The following TLCD4 variants were observed in gnomAD, a reference collection of about 807,000 sequenced individuals.
TLCD4 encodes TLC domain containing 4.
A neutral mutation model predicts 24.2 loss-of-function variants in TLCD4; 7 were observed. The ratio of observed to expected loss-of-function variants is 0.29; its 90% CI spans 0.16 to 0.54. TLCD4 has a LOEUF of 0.54. Among genes scored for constraint, TLCD4 ranks in the 20% least tolerant of loss-of-function variants. TLCD4 has a pLI of 0.95. For synonymous variants in TLCD4, 103 were observed against 106.4 expected, an observed-to-expected ratio of 0.97 and a Z score of 0.20; for missense variants, 259 against 313.9, an observed-to-expected ratio of 0.82 and a Z score of 1.32.
the TLCD4 span, among the ~76,000 whole-genome samples, chr1:95,111,328 G>GA: frequency 6.8e-6 from 1 of 147,868 alleles, no homozygotes; most frequent in Non-Finnish European, 1.5e-5. Context: ...CAAAAAAAAA[G>GA]AAAAGAAAAG....
the TLCD4 span, among the ~76,000 whole-genome samples, chr1:95,105,117 G>A: frequency 1.3e-5 from 2 of 152,192 alleles, no homozygotes; most frequent in African/African-American, 4.8e-5. Context: ...TGTGTTAGAT[G>A]ATTTCGCCTA....
At chr1:95,119,629 T>C (rs1209706199) in intron 1 of TLCD4, among the ~76,000 whole-genome samples, 1 of 152,178 alleles carries the variant, frequency 6.6e-6, no homozygotes, top group Non-Finnish European at 1.5e-5. Context: ...TTTGAGAGTG[T>C]TTCTGGCTCC....
intron 1 of TLCD4, among the ~76,000 whole-genome samples, chr1:95,123,223 A>T (rs1035336293): frequency 2.0e-5 from 3 of 152,336 alleles, no homozygotes; most frequent in Admixed American, 2.0e-4. Context: ...ACATGTAAGG[A>T]CTTATAAAGA....
At position 95,134,093 on chromosome 1, in the gene TLCD4, T is replaced by C. The variant is rs143672902; in HGVS notation, c.-11-9798T>C. Among the ~76,000 whole-genome samples, 901 of 152,112 alleles carry C rather than the reference T, an allele frequency of 5.9e-3. 7 individuals carry two copies. The highest frequency in any genetic ancestry group is 0.013 in the South Asian group (64 of 4,822). Reference sequence around the variant, plus strand: ...GTCAACAAAGGGAATACTTGAAGCGTTATTTTCGAGGCAGAAAACGATGTA... The same window carrying C: ...GTCAACAAAGGGAATACTTGAAGCGCTATTTTCGAGGCAGAAAACGATGTA... On this transcript the variant is annotated intron_variant, in intron 1 of 6. Coordinates refer to ENST00000370203, the MANE Select transcript of TLCD4 (RefSeq NM_152487.3).
At chr1:95,150,543 A>C (rs1172139711) in intron 4 of TLCD4, among the ~76,000 whole-genome samples, 1 of 152,122 alleles carries the variant, frequency 6.6e-6, no homozygotes, top group East Asian at 1.9e-4. Context: ...TGTCCTAATG[A>C]GGCTCTTAAG....
intron 5 of TLCD4, among the ~76,000 whole-genome samples, chr1:95,159,125 T>G (rs4301674): frequency 6.6e-6 from 1 of 152,200 alleles, no homozygotes; most frequent in Non-Finnish European, 1.5e-5. Flanking sequence ...CTCCCACCAA[T>G]GGTGTAAAAG....
intron 1 of TLCD4, among the ~76,000 whole-genome samples, chr1:95,124,202 A>T (rs1467323092): frequency 6.6e-6 from 1 of 152,246 alleles, no homozygotes; most frequent in Non-Finnish European, 1.5e-5. Context: ...TATATTTAGT[A>T]TAAAGAAGGA....
chr1:95,140,544 A>G (rs1314494675), intron 1 of TLCD4: 1 of 152,242 alleles, frequency 6.6e-6, no homozygotes, highest in African/African-American at 2.4e-5. Context: ...ATTTCATTCA[A>G]CAGGTCTCTG....
At chr1:95,136,814 G>C (rs1198709244) in intron 1 of TLCD4, among the ~76,000 whole-genome samples, 1 of 152,190 alleles carries the variant, frequency 6.6e-6, no homozygotes, top group Non-Finnish European at 1.5e-5. Context: ...AGGAATCCAG[G>C]ATGACTGAGC....
At chr1:95,121,233 G>C (rs2100899991) in intron 1 of TLCD4, 1 of 152,370 alleles carries the variant, frequency 6.6e-6, no homozygotes, top group East Asian at 1.9e-4. Flanking sequence ...TACGCTTAAT[G>C]AGGAGACAAA....
At chr1:95,186,023 G>A (rs1002104534) in intron 6 of TLCD4, among the ~76,000 whole-genome samples, 1 of 152,214 alleles carries the variant, frequency 6.6e-6, no homozygotes, top group Non-Finnish European at 1.5e-5. Context: ...TGAAAGGACT[G>A]TCGAGCCAGT....
chr1:95,126,284 C>T (rs1676731924), intron 1 of TLCD4, among the ~76,000 whole-genome samples: 1 of 151,852 alleles, frequency 6.6e-6, no homozygotes. Flanking sequence ...AAAAATTAGC[C>T]AGGCATGGTG....
chr1:95,181,901 G>C (rs574543041), intron 6 of TLCD4, among the ~76,000 whole-genome samples: 4 of 152,250 alleles, frequency 2.6e-5, no homozygotes, highest in African/African-American at 9.6e-5. Flanking sequence ...TTACAGGTGT[G>C]AGCCACCGCA....
rs1046223999 is a variant in TLCD4 at position 95,195,487 on chromosome 1, A to G, written c.*3619A>G. On this transcript the variant is annotated 3_prime_UTR_variant, in exon 7 of 7. Transcript: ENST00000370203. ...TAGGTGGTTTAGTCTATTAGCTGAA[A>G]TGGAAAAGTTCATGTATTGACATCA... The G allele has an allele frequency of 3.3e-5, 5 of 152,226 alleles. No individual in the cohort carries two copies. The highest frequency in any genetic ancestry group is 7.4e-5 in the Non-Finnish European group (5 of 68,020). 9.4% of individuals were successfully genotyped at this position (152,226 alleles called of 1,614,324 possible). A position where few individuals can be genotyped will look rare whatever the true frequency, so the allele number is the denominator to read the frequency against.
chr1:95,165,601 G>T (rs899611768), intron 5 of TLCD4, among the ~76,000 whole-genome samples: 2 of 152,032 alleles, frequency 1.3e-5, no homozygotes, highest in African/African-American at 2.4e-5. Context: ...AAGTAGTTGG[G>T]ATTACCGGCA....
the TLCD4 span, among the ~76,000 whole-genome samples, chr1:95,098,354 C>T: frequency 6.6e-6 from 1 of 152,120 alleles, no homozygotes; most frequent in Non-Finnish European, 1.5e-5. Flanking sequence ...TCATTTCCTC[C>T]AGGGCAGAGT....
chr1:95,176,582 T>C (rs1380151767), intron 6 of TLCD4, among the ~76,000 whole-genome samples: 4 of 152,238 alleles, frequency 2.6e-5, no homozygotes, highest in Admixed American at 2.6e-4. Context: ...AATATTTTCA[T>C]CTATTCCATA....
At chr1:95,153,569 G>T (rs1677549746) in intron 5 of TLCD4, among the ~76,000 whole-genome samples, 1 of 152,126 alleles carries the variant, frequency 6.6e-6, no homozygotes, top group African/African-American at 2.4e-5. Flanking sequence ...TATCACATCT[G>T]CTAAAACAGA....
At chr1:95,170,430 C>T (rs113452286) in intron 5 of TLCD4, among the ~76,000 whole-genome samples, 31,504 of 150,482 alleles carry the variant, frequency 0.21, 3,372 homozygotes, top group Admixed American at 0.25. Flanking sequence ...CCCAGGTTCA[C>T]GCCATTCTCC....
Sources: allele counts gnomAD v4.1 joint callset (sites outside exome capture counted in the v4.1 genomes callset), GRCh38; gene constraint gnomAD v4.1.1; transcripts MANE v1.5; gene names NCBI Gene and HGNC (gene_info 2026-07-23, HGNC 2026-07-21).